Variants in TWSG1 observed in about 807,000 individuals in gnomAD.
TWSG1 encodes twisted gastrulation protein homolog 1.
TWSG1 carries 15 observed loss-of-function variants against 23.0 expected under a neutral mutation model. The ratio of observed to expected loss-of-function variants is 0.65; its 90% CI spans 0.44 to 1.00. TWSG1 has a LOEUF of 1.00. TWSG1 is among the 50% of genes least tolerant of loss of function. The pLI is 0.00. For synonymous variants in TWSG1, 86 were observed against 92.8 expected (o/e 0.93, Z 0.42); for missense variants, 242 against 278.7 (o/e 0.87, Z 0.94).
chr18:9,348,676 C>T (rs2040488209), intron 2 of TWSG1, among the ~76,000 whole-genome samples: 1 of 152,084 alleles, frequency 6.6e-6, no homozygotes. Context: ...CTTAAACTTG[C>T]AGAAGATGTA....
intron 2 of TWSG1, among the ~76,000 whole-genome samples, chr18:9,353,791 CTT>C (rs1453530179): frequency 1.3e-5 from 2 of 152,164 alleles, no homozygotes; most frequent in Non-Finnish European, 2.9e-5. Flanking sequence ...AACAACCACA[CTT>C]TCTCTGTGAC....
chr18:9,364,614 C>T (rs189975219), intron 3 of TWSG1, among the ~76,000 whole-genome samples: 38 of 151,820 alleles, frequency 2.5e-4, no homozygotes, highest in Middle Eastern at 3.4e-3. Context: ...GCCAACATGA[C>T]GAAATCCCGT....
At chr18:9,348,427 C>T (rs2040487190) in intron 2 of TWSG1, among the ~76,000 whole-genome samples, 3 of 152,092 alleles carry the variant, frequency 2.0e-5, no homozygotes, top group African/African-American at 7.2e-5. Flanking sequence ...AAGGGGTATC[C>T]CCCGGATTAT....
At chr18:9,337,585 A>G (rs2040428661) in intron 2 of TWSG1, among the ~76,000 whole-genome samples, 1 of 152,196 alleles carries the variant, frequency 6.6e-6, no homozygotes, top group African/African-American at 2.4e-5. Flanking sequence ...ATCCTGTTGT[A>G]TAAACATGTC....
Position 9,360,076 on chromosome 18 carries a change from G to A in TWSG1, c.223+5G>A. ...ACGAGTGCTGTGACTGTGTTGGTAA[G>A]TTGATACCAAGGGAGACTTCTTAAT... On this transcript the variant is annotated splice_donor_5th_base_variant and intron_variant, in intron 3 of 4. Coordinates refer to ENST00000262120, the MANE Select transcript of TWSG1 (RefSeq NM_020648.6). 1 of 1,607,330 alleles carries A rather than the reference G, an allele frequency of 6.2e-7. No homozygotes were observed. The highest frequency in any genetic ancestry group is 1.1e-5 in the South Asian group (1 of 90,804).
intron 2 of TWSG1, 53 bp from the exon 3 acceptor site, chr18:9,359,919 G>A: frequency 1.3e-6 from 2 of 1,483,750 alleles, no homozygotes; most frequent in Non-Finnish European, 1.9e-6. Context: ...AAAAGTAGCA[G>A]TTTTATATAT....
intron 3 of TWSG1, among the ~76,000 whole-genome samples, chr18:9,394,884 A>G (rs940899467): frequency 6.6e-6 from 1 of 152,134 alleles, no homozygotes; most frequent in Non-Finnish European, 1.5e-5. Context: ...TATATTTTCA[A>G]ACAACAAAGA....
chr18:9,343,192 G>A (rs1362481777), intron 2 of TWSG1, among the ~76,000 whole-genome samples: 2 of 139,866 alleles, frequency 1.4e-5, no homozygotes, highest in African/African-American at 2.7e-5. Context: ...ACTAGGAAAT[G>A]CCCTGTTTTG....
intron 2 of TWSG1, among the ~76,000 whole-genome samples, chr18:9,344,104 T>C (rs1028022401): frequency 6.6e-6 from 1 of 152,134 alleles, no homozygotes; most frequent in African/African-American, 2.4e-5. Context: ...CAGGATCTTA[T>C]TATGTTGCCC....
chr18:9,374,019 A>C (rs770660949), intron 3 of TWSG1, among the ~76,000 whole-genome samples: 6 of 152,238 alleles, frequency 3.9e-5, no homozygotes, highest in Non-Finnish European at 8.8e-5. Context: ...AAATGAAAAC[A>C]TCAAAATTTG....
intron 1 of TWSG1, among the ~76,000 whole-genome samples, chr18:9,336,975 G>C (rs1028925068): frequency 1.3e-5 from 2 of 152,224 alleles, no homozygotes; most frequent in African/African-American, 4.8e-5. Flanking sequence ...CTGGGAGGCT[G>C]AGGTGGGAGG....
intron 3 of TWSG1, among the ~76,000 whole-genome samples, chr18:9,391,309 T>G (rs1159461599): frequency 6.6e-6 from 1 of 152,226 alleles, no homozygotes; most frequent in African/African-American, 2.4e-5. Flanking sequence ...TCCACTGAAG[T>G]CTTGAACCCC....
intron 2 of TWSG1, among the ~76,000 whole-genome samples, chr18:9,353,531 T>C (rs1374419708): frequency 6.6e-6 from 1 of 152,252 alleles, no homozygotes; most frequent in Non-Finnish European, 1.5e-5. Flanking sequence ...GTTTACCATT[T>C]AGTGTAAAGT....
chr18:9,362,919 A>G (rs1023400982), intron 3 of TWSG1, among the ~76,000 whole-genome samples: 1 of 152,190 alleles, frequency 6.6e-6, no homozygotes, highest in Admixed American at 6.5e-5. Flanking sequence ...TAATCTTTCT[A>G]CTTTCTAGGA....
intron 3 of TWSG1, among the ~76,000 whole-genome samples, chr18:9,395,080 C>T (rs1472399047): frequency 6.6e-6 from 1 of 152,214 alleles, no homozygotes; most frequent in Non-Finnish European, 1.5e-5. Flanking sequence ...TCTTCAGACT[C>T]ATTCAATCTG....
intron 3 of TWSG1, among the ~76,000 whole-genome samples, chr18:9,384,298 A>C (rs897485299): frequency 2.0e-5 from 3 of 152,202 alleles, no homozygotes; most frequent in African/African-American, 7.2e-5. Context: ...GTTAGGGAAG[A>C]TGACTGAGAC....
At chr18:9,354,933 A>G (rs1359204513) in intron 2 of TWSG1, among the ~76,000 whole-genome samples, 4 of 152,044 alleles carry the variant, frequency 2.6e-5, no homozygotes, top group Non-Finnish European at 5.9e-5. Flanking sequence ...ATGTGTTCTT[A>G]TAAGTGAAAC....
intron 3 of TWSG1, among the ~76,000 whole-genome samples, chr18:9,371,122 C>T (rs1414194995): frequency 6.6e-6 from 1 of 151,848 alleles, no homozygotes; most frequent in Non-Finnish European, 1.5e-5. Flanking sequence ...GACAGATTGA[C>T]CCTATACTTT....
intron 3 of TWSG1, among the ~76,000 whole-genome samples, chr18:9,363,151 A>C (rs968226658): frequency 3.9e-5 from 6 of 152,172 alleles, no homozygotes; most frequent in African/African-American, 1.4e-4. Flanking sequence ...GGACTTCAGC[A>C]CATACTTTCT....
Sources: gnomAD v4.1 joint callset for allele counts (sites outside exome capture counted in the v4.1 genomes callset) on GRCh38, gnomAD v4.1.1 for gene constraint, MANE v1.5 for transcripts, NCBI Gene and HGNC (gene_info 2026-07-23, HGNC 2026-07-21) for gene names.